ALK: variants seen among roughly 807,000 people sequenced by gnomAD.
The protein encoded by ALK is ALK receptor tyrosine kinase, also known as ALK tyrosine kinase receptor.
ALK carries 74 observed loss-of-function variants against 163.1 expected under a neutral mutation model. The ratio of observed to expected loss-of-function variants is 0.45; its 90% CI spans 0.38 to 0.55. The LOEUF (loss-of-function observed/expected upper bound fraction) is 0.55, where lower values mean the gene tolerates loss of function less well. Ranked by LOEUF, ALK falls within the 20% of genes least tolerant of loss-of-function variation. ALK has a pLI of 0.00. For synonymous variants in ALK, 960 were observed against 843.2 expected, an observed-to-expected ratio of 1.14 and a Z score of -2.40; for missense variants, 2,063 against 2,105.3, an observed-to-expected ratio of 0.98 and a Z score of 0.39.
At chr2:29,460,502 C>T in intron 4 of ALK, among the ~76,000 whole-genome samples, 1 of 152,128 alleles carries the variant, frequency 6.6e-6, no homozygotes, top group Non-Finnish European at 1.5e-5. Context: ...GCAGTGTGTG[C>T]TCACTTGTCT....
At chr2:29,370,961 T>G (rs566275022) in intron 5 of ALK, among the ~76,000 whole-genome samples, 1 of 152,348 alleles carries the variant, frequency 6.6e-6, no homozygotes, top group Non-Finnish European at 1.5e-5. Flanking sequence ...TAATGTTTGT[T>G]AATCGTTTTG....
chr2:29,717,189 A>AAAAAAG (rs748391050), intron 2 of ALK, among the ~76,000 whole-genome samples: 9 of 142,836 alleles, frequency 6.3e-5, no homozygotes, highest in South Asian at 2.2e-4. Flanking sequence ...AAAAAAAAAA[A>AAAAAAG]AGAGAGAGAG....
At chr2:29,290,113 C>A (rs1665981312) in intron 9 of ALK, among the ~76,000 whole-genome samples, 1 of 152,200 alleles carries the variant, frequency 6.6e-6, no homozygotes, top group Non-Finnish European at 1.5e-5. Context: ...TGCTTGGAAA[C>A]CTTCACAGGA....
At chr2:29,397,930 A>G (rs962360494) in intron 4 of ALK, among the ~76,000 whole-genome samples, 10 of 152,208 alleles carry the variant, frequency 6.6e-5, no homozygotes, top group African/African-American at 2.4e-4. Context: ...TATCAGCCAT[A>G]TGGGAGCTTT....
chr2:29,386,454 CAA>C (rs1180607468), intron 4 of ALK, among the ~76,000 whole-genome samples: 3 of 152,040 alleles, frequency 2.0e-5, no homozygotes, highest in African/African-American at 7.2e-5. Context: ...AGGAGATAAA[CAA>C]AAAGACAAAA....
At chr2:29,648,643 C>T (rs1676953184) in intron 3 of ALK, among the ~76,000 whole-genome samples, 1 of 152,134 alleles carries the variant, frequency 6.6e-6, no homozygotes, top group East Asian at 1.9e-4. Context: ...CATTTAGCAT[C>T]ATTATTTCAA....
In ALK at chr2:29,383,862, G is replaced by A. The variant is rs765503680; in HGVS notation, c.1155-3C>T. 6.2e-7 allele frequency: 1 copy of A among 1,613,924 alleles called. No individual in the cohort carries two copies. Among genetic ancestry groups the A allele is most frequent in the East Asian group, 2.2e-5 (1 of 44,876 alleles). ...TTCTTCCCTGGAGCACTGTCCAACT[G>A]GTTGCATTGGAAAACAGAGGAGAAA... On this transcript the variant is annotated splice_polypyrimidine_tract_variant and splice_region_variant and intron_variant, in intron 4 of 28. Transcript: ENST00000389048.
chr2:29,909,154 A>G (rs1390033073), intron 1 of ALK, among the ~76,000 whole-genome samples: 2 of 152,356 alleles, frequency 1.3e-5, no homozygotes, highest in East Asian at 3.9e-4. Flanking sequence ...AAGAACTAGC[A>G]CTGCATGATC....
chr2:29,579,164 C>G (rs1272920156), intron 3 of ALK, among the ~76,000 whole-genome samples: 2 of 152,226 alleles, frequency 1.3e-5, no homozygotes, highest in African/African-American at 2.4e-5. Flanking sequence ...ATGCCCAAAG[C>G]CCAGGGCCAT....
In ALK at chr2:29,246,163, T is replaced by G. The variant is rs1266677248; in HGVS notation, c.2204+4942A>C. Among the ~76,000 whole-genome samples, 10 of 144,586 alleles carry G rather than the reference T, an allele frequency of 6.9e-5. No homozygotes were observed. Among genetic ancestry groups the G allele is most frequent in the African/African-American group, 2.6e-4 (10 of 38,518 alleles). The allele number at this position is 144,586 out of a possible 152,430, so 94.9% of individuals were successfully genotyped here. ...GGTGGGGAGGAGATGGGGGCAGGAC[T>G]GCGGGCTGAGAAGGATGCTGGTCCT... is the stretch of plus-strand genomic sequence containing the variant. On this transcript the variant is annotated intron_variant, in intron 12 of 28. Transcript: ENST00000389048. The surrounding 1 kb of genome is among the most constrained non-coding windows in gnomAD (Gnocchi z 4.3).
chr2:29,404,826 G>A (rs1246058411), intron 4 of ALK, among the ~76,000 whole-genome samples: 1 of 152,204 alleles, frequency 6.6e-6, no homozygotes, highest in East Asian at 1.9e-4. Context: ...ACTGGGGAAA[G>A]AGAAAACTGA....
chr2:29,678,727 T>C (rs1247989086), intron 3 of ALK, among the ~76,000 whole-genome samples: 4 of 151,582 alleles, frequency 2.6e-5, no homozygotes, highest in Non-Finnish European at 4.4e-5. Context: ...TTTACTTATA[T>C]AATACTGATT....
intron 1 of ALK, among the ~76,000 whole-genome samples, chr2:29,902,978 T>C (rs2148432085): frequency 6.6e-6 from 1 of 152,352 alleles, no homozygotes; most frequent in East Asian, 1.9e-4. Context: ...GTGGGGTTGG[T>C]ATCATCCCTG....
chr2:29,584,413 A>G (rs1026839529), intron 3 of ALK, among the ~76,000 whole-genome samples: 1 of 152,242 alleles, frequency 6.6e-6, no homozygotes, highest in Non-Finnish European at 1.5e-5. Context: ...AAATTGGAGC[A>G]GGCCTGTATT....
chr2:29,420,156 T>TAAG (rs1669981994), intron 4 of ALK, among the ~76,000 whole-genome samples: 1 of 108,764 alleles, frequency 9.2e-6, no homozygotes, highest in Non-Finnish European at 1.8e-5. Flanking sequence ...GACCCTGTCT[T>TAAG]AAAAAAAAAA....
intron 1 of ALK, among the ~76,000 whole-genome samples, chr2:29,797,204 C>A (rs1272348041): frequency 6.6e-6 from 1 of 152,140 alleles, no homozygotes; most frequent in Admixed American, 6.5e-5. Flanking sequence ...CTGCTCATAA[C>A]TTCCTTTAAC....
chr2:29,702,103 C>T (rs1390137960), intron 2 of ALK, among the ~76,000 whole-genome samples: 2 of 151,976 alleles, frequency 1.3e-5, no homozygotes, highest in Non-Finnish European at 2.9e-5. Context: ...AAGGCAATGC[C>T]AACCTTACTG....
chr2:29,852,314 G>T (rs1666017368), intron 1 of ALK, among the ~76,000 whole-genome samples: 1 of 152,212 alleles, frequency 6.6e-6, no homozygotes, highest in Non-Finnish European at 1.5e-5. Context: ...TGCAGAGGCT[G>T]TGAGCCATCT....
chr2:29,210,286 AG>A (rs765890476), intron 24 of ALK, among the ~76,000 whole-genome samples: 10 of 152,244 alleles, frequency 6.6e-5, no homozygotes, highest in Non-Finnish European at 1.3e-4. Context: ...TAGATAACAT[AG>A]GGCCATAAGG....
Sources: allele counts gnomAD v4.1 joint callset (sites outside exome capture counted in the v4.1 genomes callset), GRCh38; gene constraint gnomAD v4.1.1; non-coding constraint Gnocchi (gnomAD v3.1); transcripts MANE v1.5; gene names NCBI Gene and HGNC (gene_info 2026-07-23, HGNC 2026-07-21).